The following OSBPL3 variants were observed in gnomAD, a reference collection of about 807,000 sequenced individuals.
The protein encoded by OSBPL3 is oxysterol binding protein like 3, also known as oxysterol-binding protein-related protein 3.
In OSBPL3, 65 loss-of-function variants were observed where a neutral mutation model predicts 120.1. That is an observed-to-expected ratio of 0.54 (90% CI 0.44 to 0.67). The LOEUF is 0.67. Among genes scored for constraint, OSBPL3 ranks in the 30% least tolerant of loss-of-function variants. The pLI is 0.00. For synonymous variants in OSBPL3, 416 were observed against 402.6 expected, an observed-to-expected ratio of 1.03 and a Z score of -0.40; for missense variants, 1,004 against 1,082.1, an observed-to-expected ratio of 0.93 and a Z score of 1.01.
At chr7:24,861,003 T>G (rs1431837608) in intron 10 of OSBPL3, among the ~76,000 whole-genome samples, 1 of 152,242 alleles carries the variant, frequency 6.6e-6, no homozygotes, top group Non-Finnish European at 1.5e-5. Flanking sequence ...ACTGCCAAAC[T>G]GTTTTCCAGA....
Position 24,834,268 on chromosome 7 carries a change from C to A in OSBPL3, c.1746+218G>T. On this transcript the variant is annotated intron_variant, in intron 15 of 22. Coordinates refer to ENST00000313367, the MANE Select transcript of OSBPL3 (RefSeq NM_015550.4). This position sits in a 1 kb window ranked among gnomAD's most constrained non-coding sequence, Gnocchi z 5.2. ...ACAGAACTACCCCAGGCACCAAGTG[C>A]CACGGAGAAGCACCCCAACCCCGTC... 7.3e-7 allele frequency: 1 copy of A among 1,361,406 alleles called. No individual in the cohort carries two copies. The highest frequency in any genetic ancestry group is 9.5e-7 in the Non-Finnish European group (1 of 1,049,130). The allele number at this position is 1,361,406 out of a possible 1,614,324, so 84.3% of individuals were successfully genotyped here.
At position 24,870,772 on chromosome 7, in the gene OSBPL3, C is replaced by A; in HGVS notation, c.341G>T (p.Cys114Phe). The change falls in exon 5 of 23, where the codon TGC becomes TTC. Residue 114 changes from cysteine (C) to phenylalanine (F), a missense_variant. By Grantham distance (205) the Cys-to-Phe change is radical. Around this residue, in one of 4 missense-constraint regions of OSBPL3, gnomAD observed 255 missense variants for 248.7 expected, o/e 1.03. Coordinates refer to ENST00000313367, the MANE Select transcript of OSBPL3 (RefSeq NM_015550.4). ...GTGCTCCTCGGTGTCAAGGTCTATG[C>A]ATTTTGATGACTTCTTTACAGACAT... The part of the protein sequence containing the change: ...SVMSVKKSSK[C>F]IDLDTEEHIY... 1 of 1,613,308 alleles carries A rather than the reference C, an allele frequency of 6.2e-7. No homozygotes were observed. The highest frequency in any genetic ancestry group is 1.1e-5 in the South Asian group (1 of 91,080).
In OSBPL3 at chr7:24,851,965, G is replaced by A. The variant is rs1473582767; in HGVS notation, c.1158+539C>T. 6.6e-6 allele frequency among the ~76,000 whole-genome samples: 1 copy of A among 152,180 alleles called. No individual in the cohort carries two copies. Among genetic ancestry groups the A allele is most frequent in the East Asian group, 1.9e-4 (1 of 5,198 alleles). ...CTCATCTCTTTGTAGCCACAGTAGGGGGGCAGGGCAGGGAAGCTAAATGTC... is the reference window on the plus strand; with the variant it reads ...CTCATCTCTTTGTAGCCACAGTAGGAGGGCAGGGCAGGGAAGCTAAATGTC... On this transcript the variant is annotated intron_variant, in intron 11 of 22. Coordinates refer to ENST00000313367, the MANE Select transcript of OSBPL3 (RefSeq NM_015550.4). This position sits in a 1 kb window ranked among gnomAD's most constrained non-coding sequence, Gnocchi z 4.1.
chr7:24,940,411 C>T lies in OSBPL3; in HGVS notation c.-150+39475G>A, dbSNP rs1812942343. Among the ~76,000 whole-genome samples, 1 of 151,950 alleles carries T rather than the reference C, an allele frequency of 6.6e-6. No homozygotes were observed. The highest frequency in any genetic ancestry group is 1.5e-5 in the Non-Finnish European group (1 of 68,006). On this transcript the variant is annotated intron_variant, in intron 1 of 22. Coordinates refer to ENST00000313367, the MANE Select transcript of OSBPL3 (RefSeq NM_015550.4). This position sits in a 1 kb window ranked among gnomAD's most constrained non-coding sequence, Gnocchi z 4.4. ...TCATCAAAAGGGTTGACTATATAGC[C>T]CAGGTACACCAGGGGAGAAGTAAAG...
In OSBPL3 at chr7:24,863,338, A is replaced by T; in HGVS notation, c.778-46T>A. 1 of 1,549,874 alleles carries T rather than the reference A, an allele frequency of 6.5e-7. No homozygotes were observed. Among genetic ancestry groups the T allele is most frequent in the South Asian group, 1.1e-5 (1 of 89,862 alleles). On this transcript the variant is annotated intron_variant, in intron 8 of 22. Transcript: ENST00000313367. The surrounding 1 kb of genome is among the most constrained non-coding windows in gnomAD (Gnocchi z 5.8). ...GAGAGCACAGACAGTAAAGTCCACC[A>T]AACCGACAAGGATAAATGCATAGCA...
chr7:24,846,503 T>G (rs1162803117), intron 12 of OSBPL3, among the ~76,000 whole-genome samples: 1 of 152,238 alleles, frequency 6.6e-6, no homozygotes, highest in Non-Finnish European at 1.5e-5. Context: ...TTCAGACTTT[T>G]CTTTAAAAGT....
intron 1 of OSBPL3, among the ~76,000 whole-genome samples, chr7:24,906,835 T>C (rs1023134867): frequency 6.6e-6 from 1 of 152,160 alleles, no homozygotes; most frequent in African/African-American, 2.4e-5. Context: ...ACTTCAGCTC[T>C]TGATCATCTT....
At position 24,948,009 on chromosome 7, in the gene OSBPL3, A is replaced by G. The variant is rs549403056; in HGVS notation, c.-150+31877T>C. Among the ~76,000 whole-genome samples, 3 of 152,346 alleles carry G rather than the reference A, an allele frequency of 2.0e-5. No individual in the cohort carries two copies. In the East Asian group the frequency reaches 5.8e-4, roughly 29 times the overall value. On this transcript the variant is annotated intron_variant, in intron 1 of 22. Transcript: ENST00000313367. Reference sequence around the variant, plus strand: ...TTCTAAATCTTTTTCAAGAAATAAAAAAATCAAACTAAGACGACCTATCAT... The same window carrying G: ...TTCTAAATCTTTTTCAAGAAATAAAGAAATCAAACTAAGACGACCTATCAT...
rs1056591463 is a variant in OSBPL3 at position 24,835,163 on chromosome 7, C to T, written c.1496-427G>A. Among the ~76,000 whole-genome samples, 5 of 152,198 alleles carry T rather than the reference C, an allele frequency of 3.3e-5. No homozygotes were observed. Among genetic ancestry groups the T allele is most frequent in the Non-Finnish European group, 7.4e-5 (5 of 67,998 alleles). On this transcript the variant is annotated intron_variant, in intron 14 of 22. Coordinates refer to ENST00000313367, the MANE Select transcript of OSBPL3 (RefSeq NM_015550.4). The surrounding 1 kb of genome is among the most constrained non-coding windows in gnomAD (Gnocchi z 4.8). ...AATGGTCTTTTCATTGCTCCACCAC[C>T]CCAAAATAGCAGCCATTTATATATT...
In OSBPL3 at chr7:24,852,641, A is replaced by G. The variant is rs1277586284; in HGVS notation, c.1028-7T>C. 3.9e-6 allele frequency: 6 copies of G among 1,538,838 alleles called. No individual in the cohort carries two copies. The highest frequency in any genetic ancestry group is 5.2e-6 in the Non-Finnish European group (6 of 1,143,118). On this transcript the variant is annotated splice_polypyrimidine_tract_variant and splice_region_variant and intron_variant, in intron 10 of 22. Coordinates refer to ENST00000313367, the MANE Select transcript of OSBPL3 (RefSeq NM_015550.4). This position sits in a 1 kb window ranked among gnomAD's most constrained non-coding sequence, Gnocchi z 4.1. ...GACCTTAAAGTGAAGTAAACTATAG[A>G]GATAGAATCATTATAAAAAGGAATA...
At position 24,899,167 on chromosome 7, in the gene OSBPL3, T is replaced by G. The variant is rs778583085; in HGVS notation, c.-149-6546A>C. ...CCCTTGTGATCCCAGATGTTCAACT[T>G]TGATCACCCTTCAATTTGTGCTTCT... On this transcript the variant is annotated intron_variant, in intron 1 of 22. Coordinates refer to ENST00000313367, the MANE Select transcript of OSBPL3 (RefSeq NM_015550.4). The surrounding 1 kb of genome is among the most constrained non-coding windows in gnomAD (Gnocchi z 4.0). 2.0e-5 allele frequency among the ~76,000 whole-genome samples: 3 copies of G among 152,212 alleles called. No homozygotes were observed. The highest frequency in any genetic ancestry group is 2.9e-5 in the Non-Finnish European group (2 of 68,038).
intron 16 of OSBPL3, among the ~76,000 whole-genome samples, chr7:24,828,087 C>T (rs1382041544): frequency 1.3e-5 from 2 of 151,840 alleles, no homozygotes; most frequent in African/African-American, 4.8e-5. Context: ...TGCAGTGGTG[C>T]GATCTCGGCT....
rs1401365412 is a variant in OSBPL3 at position 24,813,371 on chromosome 7, T to G, written c.2172+1688A>C. The stretch of plus-strand genomic sequence containing the variant: ...CATCTCTCATGACTATACACCCATT[T>G]TCTGCATGTAAGTGAATGAGAACAA... On this transcript the variant is annotated intron_variant, in intron 19 of 22. Coordinates refer to ENST00000313367, the MANE Select transcript of OSBPL3 (RefSeq NM_015550.4). The surrounding 1 kb of genome is among the most constrained non-coding windows in gnomAD (Gnocchi z 4.5). Among the ~76,000 whole-genome samples, 1 of 152,222 alleles carries G rather than the reference T, an allele frequency of 6.6e-6. No homozygotes were observed. Among genetic ancestry groups the G allele is most frequent in the African/African-American group, 2.4e-5 (1 of 41,450 alleles).
chr7:24,962,576 TG>T (rs1363620020), intron 1 of OSBPL3, among the ~76,000 whole-genome samples: 2 of 151,948 alleles, frequency 1.3e-5, no homozygotes, highest in East Asian at 3.9e-4. Flanking sequence ...ACGACCCAGG[TG>T]GGAACAACCA....
At chr7:24,903,224 TC>T (rs1418281223) in intron 1 of OSBPL3, among the ~76,000 whole-genome samples, 1 of 152,166 alleles carries the variant, frequency 6.6e-6, no homozygotes, top group East Asian at 1.9e-4. Flanking sequence ...ACTTGACAGT[TC>T]CTATGGCCAC....
Position 24,892,490 on chromosome 7 carries a change from G to A in OSBPL3, c.-18C>T, listed in dbSNP as rs753730776. The A allele has an allele frequency of 1.2e-6, 2 of 1,607,946 alleles. No individual in the cohort carries two copies. Among genetic ancestry groups the A allele is most frequent in the Admixed American group, 1.7e-5 (1 of 59,964 alleles). On this transcript the variant is annotated 5_prime_UTR_variant, in exon 2 of 23. Transcript: ENST00000313367. Reference sequence around the variant, plus strand: ...CTCATCATGGACAGCAAGTCACTTGGCCTCGAGACAATCAAAATGCCATCA... The same window carrying A: ...CTCATCATGGACAGCAAGTCACTTGACCTCGAGACAATCAAAATGCCATCA...
At chr7:24,843,930 T>C (rs1284641174) in intron 12 of OSBPL3, among the ~76,000 whole-genome samples, 1 of 152,188 alleles carries the variant, frequency 6.6e-6, no homozygotes, top group East Asian at 1.9e-4. Flanking sequence ...CAAAAGATGC[T>C]CATCATTTAT....
intron 2 of OSBPL3, among the ~76,000 whole-genome samples, chr7:24,890,402 G>A (rs1158420733): frequency 6.6e-6 from 1 of 152,200 alleles, no homozygotes; most frequent in Non-Finnish European, 1.5e-5. Context: ...AGTGAGGAAA[G>A]CTTCAAAGGT....
chr7:24,820,348 A>G lies in OSBPL3; in HGVS notation c.1885-110T>C. On this transcript the variant is annotated intron_variant, in intron 16 of 22. Coordinates refer to ENST00000313367, the MANE Select transcript of OSBPL3 (RefSeq NM_015550.4). The surrounding 1 kb of genome is among the most constrained non-coding windows in gnomAD (Gnocchi z 4.6). ...TGTAACAGCGTGCAATGCTGAACTG[A>G]AGGAAAAACTTCTTTAGTTTCCCTC... The G allele has an allele frequency of 1.3e-6, 1 of 744,700 alleles. No individual in the cohort carries two copies. The highest frequency in any genetic ancestry group is 2.3e-6 in the Non-Finnish European group (1 of 439,038). 46.1% of individuals were successfully genotyped at this position (744,700 alleles called of 1,614,324 possible). A position where few individuals can be genotyped will look rare whatever the true frequency, so the allele number is the denominator to read the frequency against.
Sources: gnomAD v4.1 joint callset for allele counts (sites outside exome capture counted in the v4.1 genomes callset) on GRCh38, gnomAD v4.1.1 for gene constraint, gnomAD v4.1.1 regional missense constraint, Gnocchi (gnomAD v3.1) non-coding constraint, MANE v1.5 for transcripts, NCBI Gene and HGNC (gene_info 2026-07-23, HGNC 2026-07-21) for gene names.